The following ACACB variants were observed in gnomAD, a reference collection of about 807,000 sequenced individuals.
ACACB encodes acetyl-CoA carboxylase beta.
A neutral mutation model predicts 278.8 loss-of-function variants in ACACB; 209 were observed. That is an observed-to-expected ratio of 0.75 (90% CI 0.67 to 0.84). ACACB has a LOEUF of 0.84. Among genes scored for constraint, ACACB ranks in the 40% least tolerant of loss-of-function variants. The probability of loss-of-function intolerance (pLI) is 0.00; values close to 1 mark genes in which losing one functional copy is unlikely to be tolerated. For missense variants in ACACB, 2,850 were observed against 3,269.0 expected, an observed-to-expected ratio of 0.87 and a Z score of 3.13; for synonymous variants, 1,174 against 1,285.6, an observed-to-expected ratio of 0.91 and a Z score of 1.86.
chr12:109,159,838 C>T (rs1318691725), intron 2 of ACACB, among the ~76,000 whole-genome samples: 1 of 151,968 alleles, frequency 6.6e-6, no homozygotes, highest in African/African-American at 2.4e-5. Context: ...CCCTGTAATC[C>T]CAGCACTTTG....
At chr12:109,226,940 T>C (rs966641286) in intron 27 of ACACB, among the ~76,000 whole-genome samples, 1 of 151,932 alleles carries the variant, frequency 6.6e-6, no homozygotes, top group African/African-American at 2.4e-5. Context: ...TCTTAACTGC[T>C]GCTTAGAAAT....
intron 1 of ACACB, among the ~76,000 whole-genome samples, chr12:109,122,325 T>A (rs1021118383): frequency 6.6e-6 from 1 of 152,174 alleles, no homozygotes; most frequent in African/African-American, 2.4e-5. Flanking sequence ...AAATGCTTCA[T>A]ATAGGCCAGG....
chr12:109,177,877 G>A (rs1320576027), intron 9 of ACACB, among the ~76,000 whole-genome samples: 1 of 151,996 alleles, frequency 6.6e-6, no homozygotes, highest in Non-Finnish European at 1.5e-5. Flanking sequence ...GCAGTTTTAG[G>A]GTCACAGCAA....
chr12:109,173,712 G>A (rs1202403975), intron 6 of ACACB, among the ~76,000 whole-genome samples: 1 of 152,240 alleles, frequency 6.6e-6, no homozygotes, highest in East Asian at 1.9e-4. Flanking sequence ...CACTGGCAAA[G>A]TTGAGTCATT....
intron 1 of ACACB, among the ~76,000 whole-genome samples, chr12:109,138,603 G>A (rs1298936135): frequency 1.3e-5 from 2 of 151,946 alleles, no homozygotes; most frequent in Admixed American, 6.6e-5. Flanking sequence ...GGCTGGGCGC[G>A]GTGGGTCACG....
upstream of ACACB, among the ~76,000 whole-genome samples, chr12:109,112,185 T>C: frequency 6.8e-6 from 1 of 146,606 alleles, no homozygotes; most frequent in Middle Eastern, 3.6e-3. Context: ...CATACATTTC[T>C]ATATAATATA....
In ACACB at chr12:109,250,019, G is replaced by A. The variant is rs763187516; in HGVS notation, c.5705G>A (p.Gly1902Asp). Residue 1902 changes from glycine to aspartate, a missense_variant, in exon 41 of 53, where the codon GGC becomes GAC. By Grantham distance (94) the Gly-to-Asp change is moderately conservative (BLOSUM62 -1). Around this residue, in one of 3 missense-constraint regions of ACACB, gnomAD observed 2,265 missense variants for 2,561.3 expected, o/e 0.88. Coordinates refer to ENST00000338432, the MANE Select transcript of ACACB (RefSeq NM_001093.4). ...MITDIIGKDDGLGVENLRGSG... is the reference protein window; with the variant it reads ...MITDIIGKDDDLGVENLRGSG... ...ACGGATATCATCGGGAAGGATGATG[G>A]CTTGGGCGTGGAGAATCTGAGGGGC... The A allele has an allele frequency of 6.2e-7, 1 of 1,613,562 alleles. No individual in the cohort carries two copies. Among genetic ancestry groups the A allele is most frequent in the Non-Finnish European group, 8.5e-7 (1 of 1,179,782 alleles).
chr12:109,252,899 A>G, intron 42 of ACACB, 116 bp from the exon 43 acceptor site: 1 of 1,047,366 alleles, frequency 9.5e-7, no homozygotes, highest in South Asian at 3.3e-5. Context: ...GATTTGTGAA[A>G]TCTCCTGGGT....
At position 109,232,738 on chromosome 12, in the gene ACACB, C is replaced by T. The variant is rs142628333; in HGVS notation, c.4071C>T (p.Ser1357=). The part of the protein sequence containing the change: ...LRHSTELFMD[S]GFSPLCQRMG... ...ACAGCACAGAGCTCTTCATGGACAG[C>T]GGCTTCTCCCCACTGTGCCAGCGCA... The change falls in exon 29 of 53, where the codon AGC becomes AGT. Residue 1357 remains serine, a synonymous_variant. Transcript: ENST00000338432. 6.6e-5 allele frequency: 106 copies of T among 1,614,104 alleles called. No individual in the cohort carries two copies. In the African/African-American group the frequency reaches 8.9e-4, roughly 14 times the overall value.
intron 24 of ACACB, 111 bp from the exon 25 acceptor site, chr12:109,222,396 A>G (rs2046195320): frequency 3.3e-6 from 3 of 902,134 alleles, no homozygotes; most frequent in East Asian, 2.4e-5. Flanking sequence ...CTGTTTGGAG[A>G]GTGGAGCAGC....
intron 1 of ACACB, among the ~76,000 whole-genome samples, chr12:109,133,250 C>A (rs1451576105): frequency 1.3e-5 from 2 of 151,570 alleles, no homozygotes; most frequent in Non-Finnish European, 3.0e-5. Flanking sequence ...TTCTCTCTCT[C>A]TCTCTCTCTC....
At chr12:109,184,114 G>A (rs966439698) in intron 11 of ACACB, among the ~76,000 whole-genome samples, 1 of 151,328 alleles carries the variant, frequency 6.6e-6, no homozygotes, top group African/African-American at 2.4e-5. Context: ...GTGCAGTGGT[G>A]CGATCTTGGC....
chr12:109,180,136 G>A, intron 11 of ACACB, 49 bp downstream of exon 11: 1 of 1,584,972 alleles, frequency 6.3e-7, no homozygotes, highest in South Asian at 1.1e-5. Context: ...CTGGGTCAGG[G>A]GTCCATGTGC....
intron 4 of ACACB, among the ~76,000 whole-genome samples, chr12:109,170,720 G>T (rs1434374339): frequency 2.6e-5 from 4 of 151,856 alleles, no homozygotes. Flanking sequence ...GTGGACATCT[G>T]TTTCACAATA....
chr12:109,209,019 C>A, intron 20 of ACACB, 146 bp from the exon 21 acceptor site: 1 of 848,320 alleles, frequency 1.2e-6, no homozygotes, highest in Non-Finnish European at 1.8e-6. Context: ...CCACTCTGGA[C>A]TGCCCCAGAG....
At chr12:109,235,227 G>A in intron 31 of ACACB, 86 bp from the exon 32 acceptor site, 1 of 1,115,418 alleles carries the variant, frequency 9.0e-7, no homozygotes, top group East Asian at 2.3e-5. Context: ...ATGTTTACAG[G>A]TTCATCCGTG....
At chr12:109,188,417 C>A (rs2044748052) in intron 13 of ACACB, among the ~76,000 whole-genome samples, 1 of 134,608 alleles carries the variant, frequency 7.4e-6, no homozygotes, top group African/African-American at 2.8e-5. Context: ...TCCCTTCCTT[C>A]CTCCCGTCCT....
intron 2 of ACACB, among the ~76,000 whole-genome samples, chr12:109,161,019 C>G (rs1232090183): frequency 6.6e-6 from 1 of 152,148 alleles, no homozygotes; most frequent in Non-Finnish European, 1.5e-5. Context: ...TCAAGCCAGC[C>G]AGTCAGGGAA....
chr12:109,234,789 G>A (rs1236833731), intron 31 of ACACB, among the ~76,000 whole-genome samples: 3 of 151,852 alleles, frequency 2.0e-5, no homozygotes, highest in Admixed American at 6.6e-5. Flanking sequence ...AACGCACACC[G>A]GGGCCTGTCG....
Sources: allele counts gnomAD v4.1 joint callset (sites outside exome capture counted in the v4.1 genomes callset), GRCh38; gene constraint gnomAD v4.1.1; regional missense constraint gnomAD v4.1.1; transcripts MANE v1.5; gene names NCBI Gene and HGNC (gene_info 2026-07-23, HGNC 2026-07-21).